Variants in KSR1 observed in about 807,000 individuals in gnomAD.
KSR1 encodes kinase suppressor of ras 1, also known as kinase suppressor of ras.
Under a neutral mutation model 92.9 loss-of-function variants are expected in KSR1, and 35 were observed. The observed-to-expected ratio is 0.38, with a 90% CI of 0.29 to 0.50. The LOEUF (loss-of-function observed/expected upper bound fraction) is 0.50. Among genes scored for constraint, KSR1 ranks in the 20% least tolerant of loss-of-function variants. The probability of loss-of-function intolerance (pLI) is 0.94; values close to 1 mark genes in which losing one functional copy is unlikely to be tolerated. For missense variants in KSR1, 972 were observed against 1,158.5 expected, an observed-to-expected ratio of 0.84 and a Z score of 2.34; for synonymous variants, 467 against 472.6, an observed-to-expected ratio of 0.99 and a Z score of 0.15.
chr17:27,513,928 G>A (rs1289116039), intron 1 of KSR1, among the ~76,000 whole-genome samples: 1 of 152,178 alleles, frequency 6.6e-6, no homozygotes, highest in African/African-American at 2.4e-5. Flanking sequence ...AAGTGGGTTT[G>A]GTGCCCTTCC....
At chr17:27,576,128 T>C (rs1794245664) in intron 2 of KSR1, among the ~76,000 whole-genome samples, 1 of 152,210 alleles carries the variant, frequency 6.6e-6, no homozygotes, top group Admixed American at 6.5e-5. Context: ...CTTTTCACGC[T>C]TCAGGTCTCT....
chr17:27,617,704 T>G (rs765867449), intron 19 of KSR1: 23 of 398,984 alleles, frequency 5.8e-5, no homozygotes, highest in South Asian at 5.0e-4. Flanking sequence ...ATTATTGTAT[T>G]TTTAGTAGAG....
intron 1 of KSR1, among the ~76,000 whole-genome samples, chr17:27,491,760 C>T (rs1343884773): frequency 6.6e-6 from 1 of 152,102 alleles, no homozygotes; most frequent in African/African-American, 2.4e-5. Context: ...CAGGGTCGCC[C>T]AGGTCTGTGT....
At chr17:27,618,684 G>A (rs899124135) in intron 19 of KSR1, among the ~76,000 whole-genome samples, 17 of 152,242 alleles carry the variant, frequency 1.1e-4, no homozygotes, top group Non-Finnish European at 1.8e-4. Flanking sequence ...CTGGAAACTG[G>A]GATTTCACAT....
chr17:27,480,997 A>G (rs9896524), intron 1 of KSR1, among the ~76,000 whole-genome samples: 9 of 152,218 alleles, frequency 5.9e-5, no homozygotes, highest in African/African-American at 2.2e-4. Context: ...TTTACAAAAC[A>G]AAACTACCTT....
In KSR1 at chr17:27,513,614, G is replaced by T. The variant is rs191212823; in HGVS notation, c.232-36954G>T. The stretch of plus-strand genomic sequence containing the variant: ...CACCTTAGCAAGGGTGTGTCTGCTG[G>T]GACCCCAGGGAAGCTTTGCTTACTG... On this transcript the variant is annotated intron_variant, in intron 1 of 20. Coordinates refer to ENST00000644974, the MANE Select transcript of KSR1 (RefSeq NM_001394583.1). 1.1e-4 allele frequency among the ~76,000 whole-genome samples: 17 copies of T among 152,246 alleles called. No homozygotes were observed. The East Asian group carries it at 3.3e-3, about 29-fold the overall frequency.
intron 3 of KSR1, among the ~76,000 whole-genome samples, chr17:27,580,068 G>A (rs904250907): frequency 5.3e-5 from 8 of 151,908 alleles, no homozygotes; most frequent in South Asian, 2.1e-4. Flanking sequence ...AGCTGGTGTC[G>A]GTGCACACAT....
At chr17:27,515,126 A>G (rs768035646) in intron 1 of KSR1, among the ~76,000 whole-genome samples, 5 of 152,212 alleles carry the variant, frequency 3.3e-5, no homozygotes, top group Non-Finnish European at 5.9e-5. Context: ...GATAAAATAG[A>G]TAGGAAACAA....
chr17:27,557,078 C>T (rs1473848388), intron 2 of KSR1, among the ~76,000 whole-genome samples: 3 of 152,136 alleles, frequency 2.0e-5, no homozygotes, highest in Non-Finnish European at 2.9e-5. Context: ...TGTCAAGCTT[C>T]GGGAGGGACC....
chr17:27,508,906 T>C (rs932259699), intron 1 of KSR1, among the ~76,000 whole-genome samples: 1 of 151,960 alleles, frequency 6.6e-6, no homozygotes, highest in African/African-American at 2.4e-5. Flanking sequence ...ACTTTTTGTA[T>C]TTTTAGTAGA....
intron 1 of KSR1, among the ~76,000 whole-genome samples, chr17:27,467,278 TG>T (rs2019741301): frequency 6.6e-6 from 1 of 152,248 alleles, no homozygotes; most frequent in Non-Finnish European, 1.5e-5. Flanking sequence ...TTGAAGACTC[TG>T]GTTGCCTTTG....
intron 5 of KSR1, chr17:27,586,042 G>A (rs1019391710): frequency 1.8e-5 from 5 of 278,546 alleles, no homozygotes; most frequent in East Asian, 8.3e-5. Flanking sequence ...GCCTGATTTC[G>A]CTAGACTTTA....
chr17:27,493,927 C>A (rs2068900328), intron 1 of KSR1, among the ~76,000 whole-genome samples: 2 of 152,256 alleles, frequency 1.3e-5, no homozygotes, highest in South Asian at 4.1e-4. Flanking sequence ...ATTTGAGGCA[C>A]CTGAGGCTCC....
intron 13 of KSR1, 137 bp downstream of exon 13, chr17:27,604,865 G>T: frequency 1.2e-6 from 1 of 819,224 alleles, no homozygotes; most frequent in Non-Finnish European, 2.1e-6. Context: ...TTGCAGAGGT[G>T]CATGTCAGGG....
intron 1 of KSR1, among the ~76,000 whole-genome samples, chr17:27,502,122 G>A (rs2069212369): frequency 6.6e-6 from 1 of 152,220 alleles, no homozygotes; most frequent in Non-Finnish European, 1.5e-5. Flanking sequence ...AGTGAGCAAG[G>A]GGCTGAGAAC....
chr17:27,582,013 T>C (rs2052175970), intron 3 of KSR1, among the ~76,000 whole-genome samples: 1 of 151,530 alleles, frequency 6.6e-6, no homozygotes, highest in Non-Finnish European at 1.5e-5. Context: ...TAAAGTGGAG[T>C]TTTTCCTTCC....
At chr17:27,575,528 A>G (rs2072471544) in intron 2 of KSR1, among the ~76,000 whole-genome samples, 1 of 152,126 alleles carries the variant, frequency 6.6e-6, no homozygotes, top group Non-Finnish European at 1.5e-5. Flanking sequence ...CTGTTTTATC[A>G]TGGGGTCTTT....
chr17:27,471,655 T>C (rs2020012396), intron 1 of KSR1, among the ~76,000 whole-genome samples: 1 of 152,162 alleles, frequency 6.6e-6, no homozygotes, highest in Non-Finnish European at 1.5e-5. Context: ...AGAGAATTAA[T>C]GCACCAACTC....
At chr17:27,603,366 A>G (rs1000301158) in intron 11 of KSR1, among the ~76,000 whole-genome samples, 3 of 152,212 alleles carry the variant, frequency 2.0e-5, no homozygotes, top group Admixed American at 6.5e-5. Context: ...AGCCACCTGC[A>G]TGTCCTGCCA....
Sources: gnomAD v4.1 joint callset for allele counts (sites outside exome capture counted in the v4.1 genomes callset) on GRCh38, gnomAD v4.1.1 for gene constraint, MANE v1.5 for transcripts, NCBI Gene and HGNC (gene_info 2026-07-23, HGNC 2026-07-21) for gene names.